The following TRPM8 variants were observed in gnomAD, a reference collection of about 807,000 sequenced individuals.
The protein encoded by TRPM8 is TRPM8 cationic channel.
A neutral mutation model predicts 133.7 loss-of-function variants in TRPM8; 110 were observed. The ratio of observed to expected loss-of-function variants is 0.82; its 90% CI spans 0.70 to 0.96. TRPM8 has a LOEUF of 0.96. Among genes scored for constraint, TRPM8 ranks in the 40% least tolerant of loss-of-function variants. TRPM8 has a pLI of 0.00. For missense variants in TRPM8, 1,291 were observed against 1,379.5 expected (o/e 0.94, Z 1.02); for synonymous variants, 535 against 532.3 (o/e 1.01, Z -0.07).
intron 5 of TRPM8, among the ~76,000 whole-genome samples, chr2:233,939,954 C>T (rs1690864259): frequency 6.6e-6 from 1 of 152,102 alleles, no homozygotes; most frequent in Admixed American, 6.5e-5. Context: ...TGCTATCTAA[C>T]GGTTCATACT....
intron 22 of TRPM8, among the ~76,000 whole-genome samples, chr2:233,996,991 G>T: frequency 6.6e-6 from 1 of 152,326 alleles, no homozygotes; most frequent in East Asian, 1.9e-4. Context: ...GTGGCCAGGC[G>T]TGGTGGCTCA....
chr2:233,996,481 G>T lies in TRPM8; in HGVS notation c.3095G>T (p.Cys1032Phe), dbSNP rs1007000776. Residue 1032 changes from cysteine (C) to phenylalanine (F), a missense_variant, in exon 22 of 26, where the codon TGC (cysteine) becomes TTC (phenylalanine). Cys to Phe is a radical substitution (Grantham distance 205, BLOSUM62 -2). Around this residue, in one of 2 missense-constraint regions of TRPM8, gnomAD observed 328 missense variants for 410.6 expected, o/e 0.80. Transcript: ENST00000324695. Reference protein sequence around the residue: ...YMVVKKCFKCCCKEKNMESSV... With the variant: ...YMVVKKCFKCFCKEKNMESSV... ...GTGGTGAAGAAGTGCTTCAAGTGTT[G>T]CTGCAAGGAGAAAAACATGGAGTCT... The T allele has an allele frequency of 5.0e-6, 8 of 1,614,168 alleles. No individual in the cohort carries two copies. The highest frequency in any genetic ancestry group is 6.8e-6 in the Non-Finnish European group (8 of 1,180,034).
chr2:233,985,152 G>T (rs940029838), intron 20 of TRPM8, among the ~76,000 whole-genome samples: 22 of 151,816 alleles, frequency 1.4e-4, no homozygotes, highest in Non-Finnish European at 1.5e-5. Context: ...CATTTCCACT[G>T]ATGTTTACAA....
chr2:233,917,980 G>C (rs73118753), intron 1 of TRPM8, among the ~76,000 whole-genome samples: 2,775 of 152,284 alleles, frequency 0.018, 92 homozygotes, highest in East Asian at 0.11. Context: ...GTTGAAACAG[G>C]CTCATCATTT....
At chr2:234,011,159 G>C (rs1177190723) in intron 24 of TRPM8, among the ~76,000 whole-genome samples, 2 of 152,178 alleles carry the variant, frequency 1.3e-5, no homozygotes, top group Admixed American at 1.3e-4. Flanking sequence ...TGTATAGTCT[G>C]AGATAGGGGT....
At chr2:233,988,707 C>A (rs1449527776) in intron 21 of TRPM8, among the ~76,000 whole-genome samples, 1 of 152,150 alleles carries the variant, frequency 6.6e-6, no homozygotes, top group Non-Finnish European at 1.5e-5. Context: ...AGGGGAAACT[C>A]TCCCTCACCA....
intron 9 of TRPM8, 36 bp downstream of exon 9, chr2:233,950,182 A>G: frequency 2.5e-6 from 4 of 1,590,672 alleles, no homozygotes; most frequent in Middle Eastern, 4.5e-4. Context: ...GGCTGAGAAA[A>G]TAAGACAAGT....
At chr2:233,984,887 C>A (rs564969109) in intron 20 of TRPM8, among the ~76,000 whole-genome samples, 1 of 152,138 alleles carries the variant, frequency 6.6e-6, no homozygotes, top group South Asian at 2.1e-4. Context: ...AGTTCAAGAC[C>A]AGCCTGGTCA....
chr2:233,941,873 T>C (rs2125099469), intron 5 of TRPM8, among the ~76,000 whole-genome samples: 1 of 152,270 alleles, frequency 6.6e-6, no homozygotes, highest in African/African-American at 2.4e-5. Context: ...GAAGATTCAC[T>C]TGAATCCAAC....
At chr2:233,997,268 C>T (rs924780671) in intron 22 of TRPM8, among the ~76,000 whole-genome samples, 9 of 151,786 alleles carry the variant, frequency 5.9e-5, no homozygotes, top group South Asian at 2.1e-4. Flanking sequence ...AGTGAGACTC[C>T]GTCTCAAAAA....
intron 24 of TRPM8, among the ~76,000 whole-genome samples, chr2:234,008,430 T>C (rs1468899058): frequency 6.6e-6 from 1 of 152,184 alleles, no homozygotes; most frequent in African/African-American, 2.4e-5. Flanking sequence ...AAAGAGCTTT[T>C]TGGGAGCCAG....
chr2:233,940,228 C>G (rs191998290), intron 5 of TRPM8, among the ~76,000 whole-genome samples: 1 of 151,364 alleles, frequency 6.6e-6, no homozygotes, highest in South Asian at 2.1e-4. Context: ...ACTTCTTTTA[C>G]GCAGAATTAA....
At chr2:233,999,485 C>T (rs1002539453) in intron 22 of TRPM8, among the ~76,000 whole-genome samples, 7 of 152,214 alleles carry the variant, frequency 4.6e-5, no homozygotes, top group Admixed American at 4.6e-4. Context: ...GGAAGGACAG[C>T]CTGCCCGGTG....
rs1287050347 is a variant in TRPM8, at chr2:233,983,117, G to C, written c.2654G>C (p.Arg885Thr). 1 of 1,614,192 alleles carries C rather than the reference G, an allele frequency of 6.2e-7. No homozygotes were observed. Among genetic ancestry groups the C allele is most frequent in the Admixed American group, 1.7e-5 (1 of 60,028 alleles). ...AVWMVAFGVARQGILRQNEQR... is the reference protein window; with the variant it reads ...AVWMVAFGVATQGILRQNEQR... ...TGGATGGTGGCCTTTGGCGTGGCCA[G>C]GCAAGGGATCCTTAGGCAGAATGAG... Residue 885 changes from arginine (R) to threonine (T), a missense_variant, in exon 20 of 26, where the codon AGG becomes ACG. Around this residue, in one of 2 missense-constraint regions of TRPM8, gnomAD observed 328 missense variants for 410.6 expected, o/e 0.80. Transcript: ENST00000324695.
chr2:233,994,701 CT>C (rs1026215789), intron 21 of TRPM8, among the ~76,000 whole-genome samples: 2 of 151,760 alleles, frequency 1.3e-5, no homozygotes, highest in African/African-American at 4.8e-5. Flanking sequence ...TTTTTTTTTG[CT>C]TAAGATATTT....
At chr2:233,960,345 G>C (rs1691401892) in intron 11 of TRPM8, among the ~76,000 whole-genome samples, 2 of 152,136 alleles carry the variant, frequency 1.3e-5, no homozygotes, top group Admixed American at 1.3e-4. Flanking sequence ...TGGTGGCTGG[G>C]TCATAATTGG....
chr2:233,974,192 CCACA>C (rs1691805239), intron 17 of TRPM8, among the ~76,000 whole-genome samples: 1 of 152,068 alleles, frequency 6.6e-6, no homozygotes, highest in African/African-American at 2.4e-5. Flanking sequence ...AGTGTCTGCC[CCACA>C]AGTGGGGTAA....
chr2:233,952,306 T>C (rs1004365647), intron 9 of TRPM8, among the ~76,000 whole-genome samples: 1 of 152,078 alleles, frequency 6.6e-6, no homozygotes, highest in Non-Finnish European at 1.5e-5. Context: ...CATTGTGTAA[T>C]TGCAAGTCGA....
chr2:234,014,683 G>T, intron 25 of TRPM8, 29 bp downstream of exon 25: 1 of 830,326 alleles, frequency 1.2e-6, no homozygotes, highest in Non-Finnish European at 1.8e-6. Context: ...TTTTTACTTT[G>T]CTCTGAAGAT....
Sources: gnomAD v4.1 joint callset for allele counts (sites outside exome capture counted in the v4.1 genomes callset) on GRCh38, gnomAD v4.1.1 for gene constraint, gnomAD v4.1.1 regional missense constraint, MANE v1.5 for transcripts, NCBI Gene and HGNC (gene_info 2026-07-23, HGNC 2026-07-21) for gene names.